The following PXDNL variants were observed in gnomAD, a reference collection of about 807,000 sequenced individuals.
PXDNL encodes the protein probable oxidoreductase PXDNL.
Under a neutral mutation model 150.8 loss-of-function variants are expected in PXDNL, and 145 were observed. That is an observed-to-expected ratio of 0.96 (90% CI 0.84 to 1.10). The LOEUF (loss-of-function observed/expected upper bound fraction) is 1.10. Among genes scored for constraint, PXDNL ranks in the 50% least tolerant of loss-of-function variants. The pLI, the probability that PXDNL is intolerant of heterozygous loss-of-function variation, is 0.00. For synonymous variants in PXDNL, 757 were observed against 725.7 expected, an observed-to-expected ratio of 1.04 and a Z score of -0.69; for missense variants, 2,087 against 1,873.9, an observed-to-expected ratio of 1.11 and a Z score of -2.10.
chr8:51,799,973 T>A (rs912927787), intron 1 of PXDNL, among the ~76,000 whole-genome samples: 3 of 152,206 alleles, frequency 2.0e-5, no homozygotes, highest in African/African-American at 4.8e-5. Context: ...TGATTTTCCC[T>A]AGAAATTTTT....
At chr8:51,457,413 T>A in intron 9 of PXDNL, 85 bp downstream of exon 9, 2 of 1,073,524 alleles carry the variant, frequency 1.9e-6, no homozygotes, top group Non-Finnish European at 2.6e-6. Flanking sequence ...TAGTTTCACT[T>A]TGAAGTATTA....
chr8:51,546,674 GGATGGT>G (rs1457653698), intron 4 of PXDNL, among the ~76,000 whole-genome samples: 1 of 152,198 alleles, frequency 6.6e-6, no homozygotes, highest in African/African-American at 2.4e-5. Context: ...AAGCTCCAGC[GGATGGT>G]GCAGGCAGGC....
At chr8:51,465,315 AT>A (rs1339812464) in intron 8 of PXDNL, among the ~76,000 whole-genome samples, 17 of 152,158 alleles carry the variant, frequency 1.1e-4, no homozygotes, top group Admixed American at 1.1e-3. Context: ...GATCATCTCA[AT>A]AGATGTGGAG....
At chr8:51,648,841 T>C (rs1200753349) in intron 2 of PXDNL, among the ~76,000 whole-genome samples, 2 of 152,232 alleles carry the variant, frequency 1.3e-5, no homozygotes, top group African/African-American at 4.8e-5. Context: ...TTTATACTTA[T>C]GCTGTTATAA....
chr8:51,548,283 G>A (rs1188963351), intron 4 of PXDNL, among the ~76,000 whole-genome samples: 1 of 152,098 alleles, frequency 6.6e-6, no homozygotes, highest in Admixed American at 6.6e-5. Context: ...AATAATCAAG[G>A]AAATCTTCCC....
chr8:51,482,665 T>A (rs1810630059), intron 6 of PXDNL, among the ~76,000 whole-genome samples: 1 of 152,198 alleles, frequency 6.6e-6, no homozygotes, highest in Non-Finnish European at 1.5e-5. Flanking sequence ...CTCATGGTAG[T>A]GAATAAGTCT....
At chr8:51,329,372 C>T (rs1416092434) in intron 21 of PXDNL, among the ~76,000 whole-genome samples, 1 of 152,200 alleles carries the variant, frequency 6.6e-6, no homozygotes, top group Admixed American at 6.5e-5. Flanking sequence ...TCTACAGCTA[C>T]AGGAAACACT....
intron 2 of PXDNL, among the ~76,000 whole-genome samples, chr8:51,598,197 T>C (rs1438733712): frequency 6.6e-6 from 1 of 152,170 alleles, no homozygotes; most frequent in African/African-American, 2.4e-5. Flanking sequence ...GTAGTTTGAC[T>C]TTTTTTCCTA....
intron 1 of PXDNL, among the ~76,000 whole-genome samples, chr8:51,777,847 G>A (rs1585743247): frequency 6.6e-6 from 1 of 152,176 alleles, no homozygotes; most frequent in Non-Finnish European, 1.5e-5. Context: ...AGGTTGCAAT[G>A]AGACGAGATT....
At chr8:51,536,046 T>C (rs1812069257) in intron 4 of PXDNL, among the ~76,000 whole-genome samples, 1 of 152,210 alleles carries the variant, frequency 6.6e-6, no homozygotes, top group African/African-American at 2.4e-5. Context: ...TGTGGACCCC[T>C]GGCCATGGTG....
intron 5 of PXDNL, among the ~76,000 whole-genome samples, chr8:51,494,277 G>A (rs1810982905): frequency 6.6e-6 from 1 of 152,038 alleles, no homozygotes. Context: ...GCTCCTGAAG[G>A]AAGCACTAAA....
intron 14 of PXDNL, among the ~76,000 whole-genome samples, chr8:51,417,446 T>C (rs1235405282): frequency 6.6e-6 from 1 of 152,166 alleles, no homozygotes; most frequent in African/African-American, 2.4e-5. Flanking sequence ...CACTCACTGC[T>C]CTGCATGAAA....
chr8:51,808,376 TTTTC>T (rs1474370192), intron 1 of PXDNL, among the ~76,000 whole-genome samples: 2 of 152,230 alleles, frequency 1.3e-5, no homozygotes, highest in Non-Finnish European at 2.9e-5. Flanking sequence ...TTTGTCGTCT[TTTTC>T]TTTCTTTAAA....
intron 17 of PXDNL, among the ~76,000 whole-genome samples, chr8:51,404,403 T>C (rs1031110643): frequency 6.7e-6 from 1 of 149,522 alleles, no homozygotes; most frequent in African/African-American, 2.6e-5. Context: ...AGAGTCCTGA[T>C]TGGTGCATTT....
intron 14 of PXDNL, among the ~76,000 whole-genome samples, chr8:51,422,345 A>G (rs1001687610): frequency 6.6e-6 from 1 of 152,246 alleles, no homozygotes; most frequent in African/African-American, 2.4e-5. Flanking sequence ...TGTCTTCAAC[A>G]AAACCAGTTC....
chr8:51,774,083 G>T (rs2037327059), intron 1 of PXDNL, among the ~76,000 whole-genome samples: 1 of 152,156 alleles, frequency 6.6e-6, no homozygotes, highest in African/African-American at 2.4e-5. Flanking sequence ...TTTTTATTCA[G>T]TCTAATTTAG....
chr8:51,396,169 C>CG (rs141073208), intron 17 of PXDNL, among the ~76,000 whole-genome samples: 3,573 of 152,192 alleles, frequency 0.023, 161 homozygotes, highest in African/African-American at 0.08. Context: ...ATGGGCTAGA[C>CG]GGGGAATGGG....
chr8:51,550,996 A>T (rs1812467925), intron 4 of PXDNL, among the ~76,000 whole-genome samples: 1 of 152,204 alleles, frequency 6.6e-6, no homozygotes, highest in Admixed American at 6.5e-5. Flanking sequence ...TACAGAAATC[A>T]GTAGCACTGC....
chr8:51,486,750 TTATATATATATATATATATATATATA>T lies in PXDNL; in HGVS notation c.453-3062_453-3037del, dbSNP rs1174441907. Among the ~76,000 whole-genome samples, 355 of 36,326 alleles carry T rather than the reference TTATATATATATATATATATATATATA, an allele frequency of 9.8e-3. 15 individuals are homozygous for T. Among genetic ancestry groups the T allele is most frequent in the African/African-American group, 0.037 (345 of 9,208 alleles). The allele number at this position is 36,326 out of a possible 152,430, so 23.8% of individuals were successfully genotyped here. ...AGCACTTCTTCCTATGTTAAAAAGTTTATATATATATATATATATATATATATATATATATATATATATATTTTTTT... is the reference window on the plus strand; with the variant it reads ...AGCACTTCTTCCTATGTTAAAAAGTTTATATATATATATATATATTTTTTT... On this transcript the variant is annotated intron_variant, in intron 5 of 22. Coordinates refer to ENST00000356297, the MANE Select transcript of PXDNL (RefSeq NM_144651.5).
Sources: allele counts gnomAD v4.1 joint callset (sites outside exome capture counted in the v4.1 genomes callset), GRCh38; gene constraint gnomAD v4.1.1; transcripts MANE v1.5; gene names NCBI Gene and HGNC (gene_info 2026-07-23, HGNC 2026-07-21).